DYSF: variants seen among roughly 807,000 people sequenced by gnomAD.
DYSF encodes the protein dysferlin.
In DYSF, 212 loss-of-function variants were observed where a neutral mutation model predicts 274.9. The ratio of observed to expected loss-of-function variants is 0.77; its 90% CI spans 0.69 to 0.86. DYSF has a LOEUF of 0.86. Ranked by LOEUF, DYSF falls within the 40% of genes least tolerant of loss-of-function variation. The pLI, the probability that DYSF is intolerant of heterozygous loss-of-function variation, is 0.00. For missense variants in DYSF, 2,666 were observed against 2,783.2 expected (o/e 0.96, Z 0.95); for synonymous variants, 1,091 against 1,078.7 (o/e 1.01, Z -0.22).
rs2152803946 is a variant in DYSF at position 71,561,874 on chromosome 2, A to G, written c.2339A>G (p.His780Arg). Reference protein sequence around the residue: ...TEAALALKLGHSELPAALEQA... With the variant: ...TEAALALKLGRSELPAALEQA... ...GCTGCCCTGGCCCTGAAGCTCGGCC[A>G]CAGTGAGCTCCCTGCAGCTCTGGAG... Residue 780 changes from histidine (H) to arginine (R), a missense_variant, in exon 23 of 56, where the codon CAC becomes CGC. Transcript: ENST00000410020. The G allele has an allele frequency of 6.2e-7, 1 of 1,614,140 alleles. No individual in the cohort carries two copies. The highest frequency in any genetic ancestry group is 1.1e-5 in the South Asian group (1 of 91,084).
At chr2:71,518,152 A>C (rs530821842) in intron 10 of DYSF, among the ~76,000 whole-genome samples, 1 of 152,356 alleles carries the variant, frequency 6.6e-6, no homozygotes, top group East Asian at 1.9e-4. Context: ...CAGACAGTCC[A>C]GAAGTGAATA....
intron 3 of DYSF, among the ~76,000 whole-genome samples, chr2:71,502,904 A>G (rs2085127785): frequency 6.6e-6 from 1 of 151,996 alleles, no homozygotes; most frequent in Non-Finnish European, 1.5e-5. Flanking sequence ...TGGGAAGACA[A>G]CCCTTCATCT....
intron 17 of DYSF, among the ~76,000 whole-genome samples, chr2:71,550,718 T>A (rs1436044725): frequency 6.6e-6 from 1 of 152,168 alleles, no homozygotes; most frequent in Non-Finnish European, 1.5e-5. Context: ...GTGCATGGGC[T>A]TTGAGGTGAC....
Position 71,612,744 on chromosome 2 carries a change from C to T in DYSF, c.4325C>T (p.Ser1442Phe), listed in dbSNP as rs1454165770. 6.2e-7 allele frequency: 1 copy of T among 1,614,192 alleles called. No individual in the cohort carries two copies. The highest frequency in any genetic ancestry group is 8.5e-7 in the Non-Finnish European group (1 of 1,180,026). The change falls in exon 39 of 56, where the codon TCC becomes TTC. Residue 1442 changes from serine to phenylalanine, a missense_variant. Coordinates refer to ENST00000410020, the MANE Select transcript of DYSF (RefSeq NM_001130987.2). ...GTGGTGGGCCAGTGTACCATCCGCT[C>T]CCTGGAGAGCTTCCTGTGTGACCCC... ...RPVVGQCTIRSLESFLCDPYS... is the reference protein window; with the variant it reads ...RPVVGQCTIRFLESFLCDPYS...
At chr2:71,556,696 CA>C (rs1408285243) in intron 22 of DYSF, among the ~76,000 whole-genome samples, 1 of 152,210 alleles carries the variant, frequency 6.6e-6, no homozygotes, top group Admixed American at 6.5e-5. Context: ...AATTATTGCT[CA>C]GAAGAAGAAA....
upstream of DYSF, among the ~76,000 whole-genome samples, chr2:71,465,110 C>G (rs1473379766): frequency 6.6e-6 from 1 of 152,124 alleles, no homozygotes; most frequent in Non-Finnish European, 1.5e-5. Flanking sequence ...CAACGGTGTG[C>G]TTTCTTGAGA....
intron 47 of DYSF, 35 bp from the exon 48 acceptor site, chr2:71,667,341 G>A (rs748944847): frequency 1.7e-5 from 27 of 1,613,640 alleles, no homozygotes; most frequent in Middle Eastern, 1.7e-4. Flanking sequence ...CGCTTCCCCA[G>A]CTCCTGCAAC....
At chr2:71,622,043 TTTG>T (rs143014867) in intron 41 of DYSF, among the ~76,000 whole-genome samples, 107,764 of 151,052 alleles carry the variant, frequency 0.71, 40,579 homozygotes, top group East Asian at 0.87. Flanking sequence ...TGCCATTTAA[TTTG>T]TTTATTTCTC....
chr2:71,474,025 C>T (rs1020348527), intron 1 of DYSF, among the ~76,000 whole-genome samples: 17 of 146,686 alleles, frequency 1.2e-4, no homozygotes, highest in African/African-American at 4.1e-4. Flanking sequence ...CTCCCGGGTT[C>T]GAGTGATTCT....
chr2:71,560,809 C>G (rs1465227054), intron 22 of DYSF, among the ~76,000 whole-genome samples: 2 of 151,884 alleles, frequency 1.3e-5, no homozygotes, highest in Admixed American at 6.6e-5. Flanking sequence ...GTGGTGGGAG[C>G]AGACCTGGTG....
At chr2:71,457,207 A>G (rs1268502205) in intron 1 of DYSF, among the ~76,000 whole-genome samples, 2 of 152,138 alleles carry the variant, frequency 1.3e-5, no homozygotes, top group Admixed American at 6.6e-5. Context: ...CTACATCATG[A>G]CCCGGTTATA....
chr2:71,590,144 C>A (rs912217904), intron 31 of DYSF, 67 bp from the exon 32 acceptor site: 10 of 1,539,484 alleles, frequency 6.5e-6, no homozygotes, highest in South Asian at 2.2e-5. Flanking sequence ...TCCACCTCCC[C>A]CCGAGCCCCA....
intron 55 of DYSF, among the ~76,000 whole-genome samples, chr2:71,683,686 A>G (rs2095323055): frequency 6.6e-6 from 1 of 152,206 alleles, no homozygotes; most frequent in African/African-American, 2.4e-5. Context: ...TCCAGGGCTC[A>G]CTGTGATTCC....
chr2:71,629,001 A>T (rs944266047), intron 41 of DYSF, among the ~76,000 whole-genome samples: 1 of 152,218 alleles, frequency 6.6e-6, no homozygotes, highest in East Asian at 1.9e-4. Flanking sequence ...AATTTTTAAA[A>T]GATGTTATTT....
intron 22 of DYSF, among the ~76,000 whole-genome samples, chr2:71,556,513 A>G (rs2091354192): frequency 6.6e-6 from 1 of 152,210 alleles, no homozygotes; most frequent in Non-Finnish European, 1.5e-5. Flanking sequence ...GTGGAGGCCC[A>G]GCAGAGGGGT....
rs2093868708 is a variant in DYSF, at chr2:71,615,815, T to G, written c.4464+2405T>G. 6.6e-6 allele frequency among the ~76,000 whole-genome samples: 1 copy of G among 152,202 alleles called. No individual in the cohort carries two copies. The highest frequency in any genetic ancestry group is 1.5e-5 in the Non-Finnish European group (1 of 68,026). On this transcript the variant is annotated intron_variant, in intron 40 of 55. Coordinates refer to ENST00000410020, the MANE Select transcript of DYSF (RefSeq NM_001130987.2). This position sits in a 1 kb window ranked among gnomAD's most constrained non-coding sequence, Gnocchi z 4.9. ...CTGGGGACAGGAGGGACGAGAGGTC[T>G]GGCAGAATCTGGATTTTGGCTGGCT...
intron 29 of DYSF, among the ~76,000 whole-genome samples, chr2:71,571,313 GCA>G (rs2092422636): frequency 7.7e-6 from 1 of 130,098 alleles, no homozygotes; most frequent in Admixed American, 7.9e-5. Flanking sequence ...ATTACACCTA[GCA>G]CACCCAGCAC....
At chr2:71,601,913 G>A (rs1038651964) in intron 35 of DYSF, among the ~76,000 whole-genome samples, 4 of 152,208 alleles carry the variant, frequency 2.6e-5, no homozygotes, top group African/African-American at 9.7e-5. Flanking sequence ...CCATTCTTGA[G>A]TCCTACTTCA....
intron 40 of DYSF, among the ~76,000 whole-genome samples, chr2:71,617,457 A>G (rs1024730885): frequency 1.3e-5 from 2 of 152,216 alleles, no homozygotes; most frequent in African/African-American, 4.8e-5. Context: ...AGGGGAGGAC[A>G]GGGAGGCTTT....
Sources: allele counts gnomAD v4.1 joint callset (sites outside exome capture counted in the v4.1 genomes callset), GRCh38; gene constraint gnomAD v4.1.1; non-coding constraint Gnocchi (gnomAD v3.1); transcripts MANE v1.5; gene names NCBI Gene and HGNC (gene_info 2026-07-23, HGNC 2026-07-21).